The following RNF150 variants were observed in gnomAD, a reference collection of about 807,000 sequenced individuals.
The protein encoded by RNF150 is ring finger protein 150.
A neutral mutation model predicts 39.3 loss-of-function variants in RNF150; 24 were observed. The observed-to-expected ratio is 0.61, with a 90% CI of 0.44 to 0.86. The LOEUF is 0.86. Ranked by LOEUF, RNF150 falls within the 40% of genes least tolerant of loss-of-function variation. RNF150 has a pLI of 0.00. For synonymous variants in RNF150, 255 were observed against 227.3 expected, an observed-to-expected ratio of 1.12 and a Z score of -1.10; for missense variants, 502 against 587.8, an observed-to-expected ratio of 0.85 and a Z score of 1.51.
chr4:141,124,161 C>T (rs549713944), intron 1 of RNF150, among the ~76,000 whole-genome samples: 4 of 152,342 alleles, frequency 2.6e-5, no homozygotes, highest in Non-Finnish European at 5.9e-5. Flanking sequence ...ATGCAGAGTA[C>T]TTTCTATCTA....
chr4:141,026,550 C>A (rs1735704349), intron 1 of RNF150, among the ~76,000 whole-genome samples: 1 of 152,144 alleles, frequency 6.6e-6, no homozygotes, highest in African/African-American at 2.4e-5. Flanking sequence ...ATTTCTTCTG[C>A]TTTCAGTTGA....
Position 140,911,567 on chromosome 4 carries a change from T to G in RNF150, c.988-213A>C, listed in dbSNP as rs747919433. On this transcript the variant is annotated intron_variant, in intron 5 of 6. Coordinates refer to ENST00000515673, the MANE Select transcript of RNF150 (RefSeq NM_020724.2). ...TCCTTTCCAAAGGTTCATTTTAGAT[T>G]GAAAAGATTCCTTTTTAATCTTTTA... Among the ~76,000 whole-genome samples the G allele has an allele frequency of 4.6e-5, 7 of 152,342 alleles. No individual in the cohort carries two copies. The South Asian group carries it at 6.2e-4, about 14-fold the overall frequency.
intron 1 of RNF150, among the ~76,000 whole-genome samples, chr4:141,087,612 T>A (rs1307553852): frequency 3.3e-5 from 5 of 152,214 alleles, no homozygotes; most frequent in Non-Finnish European, 7.3e-5. Context: ...ATAAGTAATG[T>A]TTTATAGGTC....
chr4:141,025,487 A>T (rs1011136436), intron 1 of RNF150, among the ~76,000 whole-genome samples: 2 of 152,166 alleles, frequency 1.3e-5, no homozygotes, highest in African/African-American at 4.8e-5. Context: ...ACCCTTGCTT[A>T]AAAAAGTACT....
chr4:141,105,463 GT>G (rs1248508277), intron 1 of RNF150, among the ~76,000 whole-genome samples: 2 of 152,178 alleles, frequency 1.3e-5, no homozygotes, highest in East Asian at 3.9e-4. Flanking sequence ...AATTTAACTT[GT>G]TTTAGCTTTC....
chr4:141,031,143 GAACA>G (rs1469210953), intron 1 of RNF150, among the ~76,000 whole-genome samples: 1 of 151,786 alleles, frequency 6.6e-6, no homozygotes, highest in East Asian at 1.9e-4. Flanking sequence ...AAGATGCCAA[GAACA>G]TACAATAGAA....
At chr4:140,876,885 T>C (rs1215368749) in intron 6 of RNF150, among the ~76,000 whole-genome samples, 1 of 152,248 alleles carries the variant, frequency 6.6e-6, no homozygotes, top group Admixed American at 6.5e-5. Flanking sequence ...TGTTCAGATA[T>C]AACTGACAGT....
chr4:141,164,957 T>A lies in RNF150; in HGVS notation c.-6+47837A>T, dbSNP rs535298135. On this transcript the variant is annotated intron_variant, in intron 1 of 7. Coordinates refer to the RNF150 transcript ENST00000420921. ...AAATTCACACATAACAATATTAACC[T>A]TAATGTAAATGGGCTAAATGCCCCA... is the stretch of plus-strand genomic sequence containing the variant. Among the ~76,000 whole-genome samples the A allele has an allele frequency of 7.2e-5, 11 of 152,274 alleles. No individual in the cohort carries two copies. In the South Asian group the frequency reaches 2.3e-3, roughly 32 times the overall value.
At chr4:141,114,856 T>C (rs1337380660) in intron 1 of RNF150, among the ~76,000 whole-genome samples, 1 of 152,140 alleles carries the variant, frequency 6.6e-6, no homozygotes, top group Non-Finnish European at 1.5e-5. Flanking sequence ...AATCAATAAG[T>C]GTAATTCATC....
At chr4:141,169,675 A>G in intron 1 of RNF150, among the ~76,000 whole-genome samples, 1 of 152,008 alleles carries the variant, frequency 6.6e-6, no homozygotes, top group East Asian at 1.9e-4. Flanking sequence ...ACTTCAAGTT[A>G]TTTTATTAAA....
At chr4:140,891,037 T>G (rs1729736845) in intron 6 of RNF150, among the ~76,000 whole-genome samples, 1 of 152,206 alleles carries the variant, frequency 6.6e-6, no homozygotes, top group African/African-American at 2.4e-5. Flanking sequence ...TAATGATAGC[T>G]AGTCACCTGT....
intron 1 of RNF150, among the ~76,000 whole-genome samples, chr4:141,025,234 C>T (rs1224649318): frequency 2.0e-5 from 3 of 151,822 alleles, no homozygotes; most frequent in Non-Finnish European, 4.4e-5. Context: ...GAACAAATAC[C>T]AGGCAGATGA....
At chr4:141,077,353 A>G (rs1472241735) in intron 1 of RNF150, among the ~76,000 whole-genome samples, 1 of 152,188 alleles carries the variant, frequency 6.6e-6, no homozygotes, top group African/African-American at 2.4e-5. Flanking sequence ...TGAATATCAA[A>G]TATATTATGT....
intron 1 of RNF150, among the ~76,000 whole-genome samples, chr4:141,071,002 A>G (rs1176001886): frequency 7.8e-6 from 1 of 128,270 alleles, no homozygotes; most frequent in Non-Finnish European, 1.7e-5. Context: ...ACAATGATAG[A>G]CTGGATTAAG....
intron 1 of RNF150, among the ~76,000 whole-genome samples, chr4:141,117,066 A>G (rs1739572419): frequency 6.6e-6 from 1 of 152,162 alleles, no homozygotes; most frequent in Non-Finnish European, 1.5e-5. Context: ...TGCTGGGTGC[A>G]GCAAACCACC....
chr4:141,192,750 C>T (rs1175401316), intron 1 of RNF150, among the ~76,000 whole-genome samples: 2 of 152,190 alleles, frequency 1.3e-5, no homozygotes, highest in African/African-American at 4.8e-5. Flanking sequence ...CATTGGCTTG[C>T]CAACCTAATG....
intron 1 of RNF150, among the ~76,000 whole-genome samples, chr4:141,017,692 T>C (rs889077959): frequency 3.9e-5 from 6 of 152,218 alleles, no homozygotes; most frequent in Non-Finnish European, 7.3e-5. Flanking sequence ...ACTGATCTTT[T>C]TAACTCTCTC....
At chr4:141,073,161 T>C (rs1232997592) in intron 1 of RNF150, among the ~76,000 whole-genome samples, 1 of 151,764 alleles carries the variant, frequency 6.6e-6, no homozygotes. Context: ...AAAGGAGCAA[T>C]GGAAGAAGTG....
chr4:140,988,688 A>G lies in RNF150; in HGVS notation c.485-20815T>C, dbSNP rs1356823035. 4.0e-5 allele frequency among the ~76,000 whole-genome samples: 6 copies of G among 150,384 alleles called. No homozygotes were observed. The South Asian group carries it at 1.3e-3, about 32-fold the overall frequency. On this transcript the variant is annotated intron_variant, in intron 1 of 6. Transcript: ENST00000515673. ...AAAGGAATATAAATCATGCTGCTAT[A>G]AAGGCACATGCACATGTATGTTTAT...
Sources: gnomAD v4.1 joint callset for allele counts (sites outside exome capture counted in the v4.1 genomes callset) on GRCh38, gnomAD v4.1.1 for gene constraint, MANE v1.5 for transcripts, NCBI Gene and HGNC (gene_info 2026-07-23, HGNC 2026-07-21) for gene names.